CLCNKB: variants seen among roughly 807,000 people sequenced by gnomAD.
CLCNKB encodes the protein chloride voltage-gated channel Kb.
Under a neutral mutation model 83.8 loss-of-function variants are expected in CLCNKB, and 74 were observed. The observed-to-expected ratio is 0.88, with a 90% CI of 0.73 to 1.07. The LOEUF (loss-of-function observed/expected upper bound fraction) is 1.07. Ranked by LOEUF, CLCNKB falls within the 50% of genes least tolerant of loss-of-function variation. The pLI, the probability that CLCNKB is intolerant of heterozygous loss-of-function variation, is 0.00. For missense variants in CLCNKB, 798 were observed against 893.6 expected, an observed-to-expected ratio of 0.89 and a Z score of 1.36; for synonymous variants, 358 against 356.6, an observed-to-expected ratio of 1.00 and a Z score of -0.04.
chr1:16,055,342 C>T, intron 16 of CLCNKB, 93 bp from the exon 17 acceptor site: 1 of 1,025,466 alleles, frequency 9.8e-7, no homozygotes, highest in Non-Finnish European at 1.5e-6. Flanking sequence ...CATAGGAACA[C>T]CAGAACAGTT....
At chr1:16,049,293 C>T (rs2124095179) in intron 8 of CLCNKB, 48 bp downstream of exon 8, 2 of 1,607,826 alleles carry the variant, frequency 1.2e-6, no homozygotes, top group Non-Finnish European at 1.7e-6. Context: ...GGGGCCGGGG[C>T]GAGGGGGCCC....
intron 18 of CLCNKB, 60 bp from the exon 19 acceptor site, chr1:16,056,362 G>T (rs1423069496): frequency 1.3e-6 from 2 of 1,529,858 alleles, no homozygotes; most frequent in Non-Finnish European, 9.1e-7. Context: ...TGGTGGAGTG[G>T]GCTAGAGGGT....
At chr1:16,045,715 G>A (rs2023080604) in intron 3 of CLCNKB, 29 bp downstream of exon 3, 1 of 1,608,720 alleles carries the variant, frequency 6.2e-7, no homozygotes, top group Non-Finnish European at 8.5e-7. Context: ...GTGCTGCTCT[G>A]GGCCAAGGGA....
At chr1:16,055,247 C>T (rs1349002343) in intron 16 of CLCNKB, among the ~76,000 whole-genome samples, 188 bp from the exon 17 acceptor site, 5 of 152,160 alleles carry the variant, frequency 3.3e-5, no homozygotes, top group African/African-American at 1.2e-4. Context: ...ACCTGAATGA[C>T]CTTGGGCAAG....
In CLCNKB at chr1:16,053,666, C is replaced by G. The variant is rs1282925846; in HGVS notation, c.1650C>G (p.Phe550Leu). 1 of 1,613,874 alleles carries G rather than the reference C, an allele frequency of 6.2e-7. No homozygotes were observed. ...IGSHRVRVEH[F>L]MNHSITTLAK... Reference sequence around the variant, plus strand: ...CCCACCGCGTGAGGGTGGAGCACTTCATGAACCACAGCATCACCACACTGG... The same window carrying G: ...CCCACCGCGTGAGGGTGGAGCACTTGATGAACCACAGCATCACCACACTGG... Residue 550 changes from phenylalanine to leucine, a missense_variant, in exon 16 of 20, where the codon TTC becomes TTG. Transcript: ENST00000375679.
chr1:16,044,698 A>T, intron 2 of CLCNKB, 106 bp downstream of exon 2: 1 of 978,356 alleles, frequency 1.0e-6, no homozygotes, highest in Non-Finnish European at 1.6e-6. Context: ...TCCTCCTGGC[A>T]TTTGTCCAGG....
chr1:16,044,717 G>C (rs1430328890), intron 2 of CLCNKB, 125 bp downstream of exon 2: 2 of 804,974 alleles, frequency 2.5e-6, no homozygotes, highest in Non-Finnish European at 2.0e-6. Context: ...GGACATGACT[G>C]CCCAAAGTCT....
intron 4 of CLCNKB, 134 bp from the exon 5 acceptor site, chr1:16,047,771 A>C: frequency 1.5e-5 from 16 of 1,083,862 alleles, no homozygotes; most frequent in Non-Finnish European, 2.2e-5. Flanking sequence ...CTTGTCCCCA[A>C]AGGAAAATAA....
chr1:16,051,188 C>T (rs1250553037), intron 12 of CLCNKB, 140 bp downstream of exon 12: 24 of 1,342,988 alleles, frequency 1.8e-5, no homozygotes, highest in Non-Finnish European at 2.4e-5. Flanking sequence ...ATTGCATGGT[C>T]CTGGACAAGT....
At chr1:16,051,608 C>T in intron 13 of CLCNKB, 61 bp downstream of exon 13, 2 of 1,608,052 alleles carry the variant, frequency 1.2e-6, no homozygotes, top group South Asian at 1.1e-5. Flanking sequence ...ACCATGGCTC[C>T]TGGTTCACCC....
At chr1:16,049,962 C>A (rs571586564) in intron 10 of CLCNKB, 46 bp downstream of exon 10, 402 of 1,484,700 alleles carry the variant, frequency 2.7e-4, no homozygotes, top group Non-Finnish European at 2.7e-4. Context: ...GAGCTCCCCC[C>A]TCACCGTACT....
intron 18 of CLCNKB, 101 bp downstream of exon 18, chr1:16,055,859 C>T: frequency 1.8e-6 from 2 of 1,085,676 alleles, no homozygotes; most frequent in South Asian, 1.3e-5. Flanking sequence ...CCCCGCCCTG[C>T]CCGTCTTATG....
intron 2 of CLCNKB, among the ~76,000 whole-genome samples, chr1:16,045,117 T>G (rs903627792): frequency 6.6e-6 from 1 of 152,144 alleles, no homozygotes; most frequent in East Asian, 1.9e-4. Flanking sequence ...TAGCAGCCAG[T>G]GGGCCAGGAG....
intron 4 of CLCNKB, among the ~76,000 whole-genome samples, chr1:16,047,387 C>G (rs552822293): frequency 6.6e-6 from 1 of 152,216 alleles, no homozygotes; most frequent in Non-Finnish European, 1.5e-5. Context: ...TGATCCTGCA[C>G]TGAGCAGTGT....
Position 16,048,709 on chromosome 1 carries a change from G to C in CLCNKB, c.655+127G>C, listed in dbSNP as rs868411596. The C allele has an allele frequency of 4.0e-6, 6 of 1,507,660 alleles. No individual in the cohort carries two copies. The African/African-American group carries it at 5.6e-5, about 14-fold the overall frequency. 93.4% of individuals were successfully genotyped at this position (1,507,660 alleles called of 1,614,324 possible). On this transcript the variant is annotated intron_variant, in intron 7 of 19. Transcript: ENST00000375679. ...TCATTCTAGTTCTCACTTCAGCCCC[G>C]CCTTGGGCACAGCCACCGCCCCCCA...
intron 7 of CLCNKB, 147 bp downstream of exon 7, chr1:16,048,729 C>A: frequency 6.8e-7 from 1 of 1,479,840 alleles, no homozygotes; most frequent in Non-Finnish European, 9.0e-7. Context: ...CAGCCACCGC[C>A]CCCCACCGGG....
intron 7 of CLCNKB, chr1:16,048,913 C>G (rs2023189749): frequency 6.9e-7 from 1 of 1,453,158 alleles, no homozygotes; most frequent in African/African-American, 1.4e-5. Context: ...AGAGGGCGCA[C>G]ACCCGCATTC....
Position 16,056,920 on chromosome 1 carries a change from G to A in CLCNKB, c.*4G>A, listed in dbSNP as rs112496366. On this transcript the variant is annotated 3_prime_UTR_variant, in exon 20 of 20. Transcript: ENST00000375679. ...AAATCCGCCAGCCCCAAAGTGAGCCGGCCCAGCAAGATGAAACAGGGCACC... is the reference window on the plus strand; with the variant it reads ...AAATCCGCCAGCCCCAAAGTGAGCCAGCCCAGCAAGATGAAACAGGGCACC... The A allele has an allele frequency of 8.4e-5, 134 of 1,597,116 alleles. No individual in the cohort carries two copies. Among genetic ancestry groups the A allele is most frequent in the Admixed American group, 7.4e-4 (43 of 58,424 alleles).
At position 16,051,801 on chromosome 1, in the gene CLCNKB, A is replaced by C. The variant is rs199755248; in HGVS notation, c.1389A>C (p.Pro463=). The C allele has an allele frequency of 4.4e-5, 71 of 1,612,314 alleles. No individual in the cohort carries two copies. The highest frequency in any genetic ancestry group is 2.7e-4 in the East Asian group (12 of 44,876). The change falls in exon 14 of 20, where the codon CCA becomes CCC. Residue 463 remains proline (P), a synonymous_variant. Coordinates refer to ENST00000375679, the MANE Select transcript of CLCNKB (RefSeq NM_000085.5). Reference sequence around the variant, plus strand: ...GAGGGATCACCAATCCCATCATGCCAGGGGGGTATGCTCTGGCAGGTGAGT... The same window carrying C: ...GAGGGATCACCAATCCCATCATGCCCGGGGGGTATGCTCTGGCAGGTGAGT... ...VAGGITNPIM[P]GGYALAGAAA... is the part of the protein sequence containing the mutation.
Sources: allele counts gnomAD v4.1 joint callset (sites outside exome capture counted in the v4.1 genomes callset), GRCh38; gene constraint gnomAD v4.1.1; transcripts MANE v1.5; gene names NCBI Gene and HGNC (gene_info 2026-07-23, HGNC 2026-07-21).